The following CAMTA1 variants were observed in gnomAD, a reference collection of about 807,000 sequenced individuals.
CAMTA1 encodes the protein calmodulin binding transcription activator 1, also known as calmodulin-binding transcription activator 1.
CAMTA1 carries 27 observed loss-of-function variants against 170.9 expected under a neutral mutation model. That is an observed-to-expected ratio of 0.16 (90% CI 0.12 to 0.22). CAMTA1 has a LOEUF of 0.22. Among genes scored for constraint, CAMTA1 ranks in the 10% least tolerant of loss-of-function variants. The pLI, the probability that CAMTA1 is intolerant of heterozygous loss-of-function variation, is 1.00. For synonymous variants in CAMTA1, 833 were observed against 891.5 expected, an observed-to-expected ratio of 0.93 and a Z score of 1.17; for missense variants, 1,619 against 2,217.2, an observed-to-expected ratio of 0.73 and a Z score of 5.42.
chr1:7,614,314 G>A (rs574206961), intron 6 of CAMTA1, among the ~76,000 whole-genome samples: 1 of 152,176 alleles, frequency 6.6e-6, no homozygotes, highest in East Asian at 1.9e-4. Context: ...CTGGCGTGGA[G>A]CTTCCCATTC....
intron 6 of CAMTA1, among the ~76,000 whole-genome samples, chr1:7,623,247 G>A (rs1386262507): frequency 6.6e-6 from 1 of 152,168 alleles, no homozygotes; most frequent in Non-Finnish European, 1.5e-5. Context: ...GTATCTTGTG[G>A]TTCTTGAGAG....
intron 5 of CAMTA1, among the ~76,000 whole-genome samples, chr1:7,446,038 G>A (rs1557727814): frequency 6.6e-6 from 1 of 152,058 alleles, no homozygotes; most frequent in Non-Finnish European, 1.5e-5. Context: ...TGGGCTGGTG[G>A]GTGGACAATC....
chr1:7,420,978 G>T (rs541093340), intron 5 of CAMTA1, among the ~76,000 whole-genome samples: 3 of 152,288 alleles, frequency 2.0e-5, no homozygotes, highest in African/African-American at 7.2e-5. Flanking sequence ...GGCTTCTCAG[G>T]GGAGGCCTCC....
At chr1:6,950,012 T>C (rs778302001) in intron 3 of CAMTA1, among the ~76,000 whole-genome samples, 1 of 152,248 alleles carries the variant, frequency 6.6e-6, no homozygotes, top group South Asian at 2.1e-4. Flanking sequence ...TACGTGTGCC[T>C]GATTCCAGGC....
At chr1:7,412,004 C>T (rs148157658) in intron 5 of CAMTA1, among the ~76,000 whole-genome samples, 4,077 of 149,448 alleles carry the variant, frequency 0.027, 192 homozygotes, top group African/African-American at 0.094. Context: ...TGAGAACATG[C>T]GGTGTTTGGT....
At position 7,250,281 on chromosome 1, in the gene CAMTA1, C is replaced by T. The variant is rs12038276; in HGVS notation, c.438+655C>T. On this transcript the variant is annotated intron_variant, in intron 5 of 22. Coordinates refer to ENST00000303635, the MANE Select transcript of CAMTA1 (RefSeq NM_015215.4). ...GCCATGGAGAAATTCCCTTATTCCT[C>T]TTTGCCATCGTTTGAGGGCCTGAGC... Among the ~76,000 whole-genome samples, 3 of 152,340 alleles carry T rather than the reference C, an allele frequency of 2.0e-5. No homozygotes were observed. In the East Asian group the frequency reaches 5.8e-4, roughly 29 times the overall value.
chr1:7,501,189 G>T (rs748672691), intron 6 of CAMTA1, among the ~76,000 whole-genome samples: 1 of 152,124 alleles, frequency 6.6e-6, no homozygotes, highest in Non-Finnish European at 1.5e-5. Flanking sequence ...GGCTCTCCCT[G>T]GAAGGCTGCC....
intron 5 of CAMTA1, among the ~76,000 whole-genome samples, chr1:7,324,710 G>A (rs1441168443): frequency 6.6e-6 from 1 of 151,884 alleles, no homozygotes; most frequent in Non-Finnish European, 1.5e-5. Flanking sequence ...AGGAGGCTGA[G>A]GCAGGAGAAT....
intron 3 of CAMTA1, among the ~76,000 whole-genome samples, chr1:6,856,792 G>A (rs1392925679): frequency 6.6e-6 from 1 of 152,188 alleles, no homozygotes; most frequent in African/African-American, 2.4e-5. Flanking sequence ...TATGATGAAA[G>A]TGATGAGGAG....
chr1:7,677,620 C>T lies in CAMTA1; in HGVS notation c.2801C>T (p.Thr934Ile). The change falls in exon 11 of 23, where the codon ACC (threonine) becomes ATC (isoleucine). Residue 934 changes from threonine (T) to isoleucine (I), a missense_variant. By Grantham distance (89) the Thr-to-Ile change is moderately conservative. Coordinates refer to ENST00000303635, the MANE Select transcript of CAMTA1 (RefSeq NM_015215.4). ...YCPAHDTGLVTLQVAFNNQII... is the reference protein window; with the variant it reads ...YCPAHDTGLVILQVAFNNQII... ...TCAGCCCATGACACTGGTCTTGTGA[C>T]CCTACAAGTTGCCTTCAACAACCAG... The T allele has an allele frequency of 6.2e-7, 1 of 1,614,082 alleles. No individual in the cohort carries two copies.
intron 4 of CAMTA1, among the ~76,000 whole-genome samples, chr1:7,247,048 G>A (rs74051682): frequency 0.031 from 4,669 of 152,256 alleles, 234 homozygotes; most frequent in African/African-American, 0.11. Flanking sequence ...CTGTTCCTAG[G>A]ACCCTGAGTT....
At chr1:7,028,369 G>A (rs1046271711) in intron 3 of CAMTA1, among the ~76,000 whole-genome samples, 1 of 152,048 alleles carries the variant, frequency 6.6e-6, no homozygotes, top group African/African-American at 2.4e-5. Context: ...GGTCAGAGTG[G>A]ACCTAAAGCC....
intron 3 of CAMTA1, among the ~76,000 whole-genome samples, chr1:6,982,587 A>G (rs1694621343): frequency 6.6e-6 from 1 of 152,136 alleles, no homozygotes; most frequent in South Asian, 2.1e-4. Flanking sequence ...CTACTTCTTA[A>G]GTGTCCCAAG....
intron 3 of CAMTA1, among the ~76,000 whole-genome samples, chr1:6,890,182 A>G (rs563396767): frequency 1.3e-5 from 2 of 152,066 alleles, no homozygotes; most frequent in Non-Finnish European, 2.9e-5. Flanking sequence ...ATATTTTTTC[A>G]TGTGTTCAGT....
At chr1:6,941,677 G>A (rs747119578) in intron 3 of CAMTA1, among the ~76,000 whole-genome samples, 36 of 152,334 alleles carry the variant, frequency 2.4e-4, no homozygotes, top group African/African-American at 3.6e-4. Context: ...GGAAGCTCTC[G>A]TCCTTCATGG....
chr1:7,146,856 CAA>C lies in CAMTA1; in HGVS notation c.302+55487_302+55488del, dbSNP rs1384409843. Among the ~76,000 whole-genome samples, 1 of 151,750 alleles carries C rather than the reference CAA, an allele frequency of 6.6e-6. No homozygotes were observed. Among genetic ancestry groups the C allele is most frequent in the Non-Finnish European group, 1.5e-5 (1 of 67,946 alleles). ...CACATATACCATGCACACACAAACA[CAA>C]AGACACAACATGTACACAGACACTC... On this transcript the variant is annotated intron_variant, in intron 4 of 22. Coordinates refer to ENST00000303635, the MANE Select transcript of CAMTA1 (RefSeq NM_015215.4). The surrounding 1 kb of genome is among the most constrained non-coding windows in gnomAD (Gnocchi z 4.3).
intron 3 of CAMTA1, among the ~76,000 whole-genome samples, chr1:6,880,941 AAAAC>A (rs984213850): frequency 2.6e-5 from 4 of 152,200 alleles, no homozygotes; most frequent in East Asian, 1.9e-4. Context: ...ACAATAAACA[AAAAC>A]AAAAATAAAT....
intron 11 of CAMTA1, among the ~76,000 whole-genome samples, chr1:7,686,777 C>G (rs975872924): frequency 6.6e-6 from 1 of 152,108 alleles, no homozygotes; most frequent in African/African-American, 2.4e-5. Flanking sequence ...GGAACAATGA[C>G]TCCTGAGGGA....
At chr1:6,905,188 CTTTT>C (rs34960802) in intron 3 of CAMTA1, among the ~76,000 whole-genome samples, 2 of 109,908 alleles carry the variant, frequency 1.8e-5, no homozygotes, top group Admixed American at 9.2e-5. Flanking sequence ...TGCCTTGTTC[CTTTT>C]TTTTTTTTTT....
Sources: gnomAD v4.1 joint callset for allele counts (sites outside exome capture counted in the v4.1 genomes callset) on GRCh38, gnomAD v4.1.1 for gene constraint, Gnocchi (gnomAD v3.1) non-coding constraint, MANE v1.5 for transcripts, NCBI Gene and HGNC (gene_info 2026-07-23, HGNC 2026-07-21) for gene names.